Variants in TMEM114 observed in about 807,000 individuals in gnomAD.
TMEM114 encodes transmembrane protein 114.
TMEM114 carries 6 observed loss-of-function variants against 6.2 expected under a neutral mutation model. The observed-to-expected ratio is 0.97, with a 90% CI of 0.53 to 1.91. TMEM114 has a LOEUF of 1.91. TMEM114 is among the 40% of genes most tolerant of loss of function. The pLI, the probability that TMEM114 is intolerant of heterozygous loss-of-function variation, is 0.01. For synonymous variants in TMEM114, 104 were observed against 73.0 expected, an observed-to-expected ratio of 1.42 and a Z score of -2.16; for missense variants, 218 against 158.3, an observed-to-expected ratio of 1.38 and a Z score of -2.02.
At chr16:8,560,149 T>C (rs960383723) in intron 2 of TMEM114, among the ~76,000 whole-genome samples, 4 of 151,726 alleles carry the variant, frequency 2.6e-5, no homozygotes, top group Non-Finnish European at 5.9e-5. Context: ...CACACCACCA[T>C]ACCCGGCTAT....
intron 2 of TMEM114, among the ~76,000 whole-genome samples, chr16:8,560,410 C>A (rs1459483291): frequency 6.6e-6 from 1 of 152,048 alleles, no homozygotes; most frequent in East Asian, 1.9e-4. Flanking sequence ...GTCAGATGAG[C>A]CTTGGAACTT....
intron 2 of TMEM114, among the ~76,000 whole-genome samples, chr16:8,554,496 T>A (rs958748534): frequency 1.3e-5 from 2 of 152,144 alleles, no homozygotes; most frequent in Admixed American, 1.3e-4. Flanking sequence ...ATAGCACTTA[T>A]CTCCATTTGG....
chr16:8,562,606 G>T (rs573179374), intron 2 of TMEM114, among the ~76,000 whole-genome samples: 1 of 151,342 alleles, frequency 6.6e-6, no homozygotes, highest in Non-Finnish European at 1.5e-5. Context: ...ATGAGTGAGT[G>T]AGTGAATGAG....
intron 2 of TMEM114, among the ~76,000 whole-genome samples, chr16:8,573,509 T>C (rs1314513109): frequency 6.6e-6 from 1 of 152,072 alleles, no homozygotes; most frequent in South Asian, 2.1e-4. Context: ...TCAGGGTCTA[T>C]ACCTCTGTCA....
intron 2 of TMEM114, among the ~76,000 whole-genome samples, chr16:8,549,148 C>T (rs1032342710): frequency 2.2e-5 from 3 of 136,788 alleles, no homozygotes; most frequent in Non-Finnish European, 4.5e-5. Flanking sequence ...TACCACTGCA[C>T]TGCAGCCTGG....
At chr16:8,545,239 A>G (rs1900627544) in intron 2 of TMEM114, among the ~76,000 whole-genome samples, 1 of 152,154 alleles carries the variant, frequency 6.6e-6, no homozygotes, top group South Asian at 2.1e-4. Flanking sequence ...CGAGTCCAAG[A>G]CCAACCTGGG....
the TMEM114 span, chr16:8,531,968 TCTAGC>T: frequency 1.3e-5 from 2 of 152,212 alleles, no homozygotes; most frequent in Non-Finnish European, 2.9e-5. Context: ...TCATAACAGC[TCTAGC>T]TGTTTTTGTT....
intron 2 of TMEM114, among the ~76,000 whole-genome samples, chr16:8,560,428 A>C (rs1023372497): frequency 3.3e-5 from 5 of 152,054 alleles, no homozygotes; most frequent in Non-Finnish European, 5.9e-5. Flanking sequence ...CTTGCCCTGG[A>C]ATCTCTAAAG....
At chr16:8,527,315 C>A in the TMEM114 span, among the ~76,000 whole-genome samples, 3 of 152,188 alleles carry the variant, frequency 2.0e-5, no homozygotes. Flanking sequence ...GGAAGGGAGA[C>A]AGCAGGGGAA....
At chr16:8,573,833 G>A (rs909639011) in intron 2 of TMEM114, among the ~76,000 whole-genome samples, 8 of 152,158 alleles carry the variant, frequency 5.3e-5, no homozygotes, top group Non-Finnish European at 1.2e-4. Context: ...ACCTAGTGTT[G>A]AGGGCATCTG....
the TMEM114 span, among the ~76,000 whole-genome samples, chr16:8,527,143 G>T: frequency 1.3e-5 from 2 of 152,210 alleles, no homozygotes; most frequent in Non-Finnish European, 2.9e-5. Flanking sequence ...GAAGGTGGGG[G>T]TTGCAGTGAG....
At chr16:8,584,095 G>C (rs1040781936) in intron 2 of TMEM114, among the ~76,000 whole-genome samples, 1 of 152,226 alleles carries the variant, frequency 6.6e-6, no homozygotes, top group Non-Finnish European at 1.5e-5. Flanking sequence ...TTTTAGGGTT[G>C]CTAAGGTGGG....
At position 8,564,489 on chromosome 16, in the gene TMEM114, A is replaced by ATGACTGAATGAGTGAG. The variant is rs1555463949; in HGVS notation, n.212+24723_212+24724insCTCACTCATTCAGTCA. Among the ~76,000 whole-genome samples, 32 of 97,042 alleles carry ATGACTGAATGAGTGAG rather than the reference A, an allele frequency of 3.3e-4. 5 individuals carry two copies. Among genetic ancestry groups the ATGACTGAATGAGTGAG allele is most frequent in the African/African-American group, 1.5e-3 (32 of 21,118 alleles). 63.7% of individuals were successfully genotyped at this position (97,042 alleles called of 152,430 possible). A position where few individuals can be genotyped will look rare whatever the true frequency, so the allele number is the denominator to read the frequency against. ...AGTGAGGGAGGGACGGAGGGAATGA[A>ATGACTGAATGAGTGAG]TGAGTGAATGAGTGAGTAAATGAGT... On this transcript the variant is annotated intron_variant and non_coding_transcript_variant, in intron 2 of 2. Coordinates refer to the TMEM114 transcript ENST00000623677.
chr16:8,553,195 G>T (rs531987316), intron 2 of TMEM114, among the ~76,000 whole-genome samples: 2 of 152,180 alleles, frequency 1.3e-5, no homozygotes, highest in Non-Finnish European at 2.9e-5. Context: ...CTGGCCCTGG[G>T]GCATCAGCTC....
chr16:8,528,379 A>T, the TMEM114 span, among the ~76,000 whole-genome samples: 1 of 152,142 alleles, frequency 6.6e-6, no homozygotes, highest in African/African-American at 2.4e-5. Context: ...CTCATGCACC[A>T]TGCTGTTCTA....
intron 3 of TMEM114, among the ~76,000 whole-genome samples, chr16:8,571,253 G>A (rs1193517533): frequency 1.3e-5 from 2 of 151,956 alleles, no homozygotes; most frequent in East Asian, 1.9e-4. Context: ...CCTAGCCATT[G>A]TCTGTCCACC....
chr16:8,555,157 C>T (rs1337008341), intron 2 of TMEM114, among the ~76,000 whole-genome samples: 1 of 152,242 alleles, frequency 6.6e-6, no homozygotes, highest in African/African-American at 2.4e-5. Context: ...GCTCTTCTCT[C>T]TTCACATGTG....
downstream of TMEM114, among the ~76,000 whole-genome samples, chr16:8,535,884 T>A (rs904199164): frequency 6.6e-6 from 1 of 152,204 alleles, no homozygotes; most frequent in Non-Finnish European, 1.5e-5. Flanking sequence ...CCTGAGCAAG[T>A]GTCTTATTAA....
chr16:8,563,833 G>C (rs62646476), intron 2 of TMEM114, among the ~76,000 whole-genome samples: 3 of 129,536 alleles, frequency 2.3e-5, no homozygotes, highest in East Asian at 2.3e-4. Context: ...GAGTGAATGA[G>C]TGAGGGAGGG....
Sources: gnomAD v4.1 joint callset for allele counts (sites outside exome capture counted in the v4.1 genomes callset) on GRCh38, gnomAD v4.1.1 for gene constraint, MANE v1.5 for transcripts, NCBI Gene and HGNC (gene_info 2026-07-23, HGNC 2026-07-21) for gene names.